Variants in FHOD1 observed in about 807,000 individuals in gnomAD.
The protein encoded by FHOD1 is FH1/FH2 domain-containing protein 1.
In FHOD1, 89 loss-of-function variants were observed where a neutral mutation model predicts 111.6. The observed-to-expected ratio is 0.80, with a 90% CI of 0.67 to 0.95. FHOD1 has a LOEUF of 0.95. Among genes scored for constraint, FHOD1 ranks in the 40% least tolerant of loss-of-function variants. FHOD1 has a pLI of 0.00. For missense variants in FHOD1, 1,446 were observed against 1,554.2 expected (o/e 0.93, Z 1.17); for synonymous variants, 618 against 639.0 (o/e 0.97, Z 0.50).
At chr16:67,239,253 C>T (rs1355727073) in intron 2 of FHOD1, 95 bp downstream of exon 2, 20 of 999,256 alleles carry the variant, frequency 2.0e-5, no homozygotes, top group Non-Finnish European at 3.0e-5. Flanking sequence ...ACCCATGGCT[C>T]AGGCTAGTGA....
chr16:67,237,817 GC>G lies in FHOD1; in HGVS notation c.643-50del. ...TGAGTGGGGCTTAGGCCAGACCTGT[GC>G]CAGCTGTTGCTGGGGAAGGGGAAGG... is the stretch of plus-strand genomic sequence containing the variant. On this transcript the variant is annotated intron_variant, in intron 6 of 21. Transcript: ENST00000258201. This position sits in a 1 kb window ranked among gnomAD's most constrained non-coding sequence, Gnocchi z 5.6. 1 of 1,536,064 alleles carries G rather than the reference GC, an allele frequency of 6.5e-7. No individual in the cohort carries two copies. The highest frequency in any genetic ancestry group is 9.0e-7 in the Non-Finnish European group (1 of 1,109,818).
rs559548009 is a variant in FHOD1, at chr16:67,238,487, C to T, written c.374-40G>A. Reference sequence around the variant, plus strand: ...GTATAAAACCCTTGATGGACACAGACTCACTGTCTTCCTCTGCTTGGATAC... The same window carrying T: ...GTATAAAACCCTTGATGGACACAGATTCACTGTCTTCCTCTGCTTGGATAC... On this transcript the variant is annotated intron_variant, in intron 3 of 21. Coordinates refer to ENST00000258201, the MANE Select transcript of FHOD1 (RefSeq NM_013241.3). This position sits in a 1 kb window ranked among gnomAD's most constrained non-coding sequence, Gnocchi z 4.2. 67 of 1,557,486 alleles carry T rather than the reference C, an allele frequency of 4.3e-5. No homozygotes were observed. Among genetic ancestry groups the T allele is most frequent in the Non-Finnish European group, 5.6e-5 (63 of 1,133,882 alleles).
Position 67,229,907 on chromosome 16 carries a change from G to A in FHOD1, c.3298C>T (p.Pro1100Ser), listed in dbSNP as rs771797116. The change falls in exon 21 of 22, where the codon CCC (proline) becomes TCC (serine). Residue 1100 changes from proline to serine, a missense_variant. Coordinates refer to ENST00000258201, the MANE Select transcript of FHOD1 (RefSeq NM_013241.3). The stretch of plus-strand genomic sequence containing the variant: ...ATGATCTCATCTGATGTATCACTGG[G>A]TAAACTGGAGCCTGGGGGTTCTTCT... ...SPEEPPGSSL[P>S]SDTSDEIMDL... is the part of the protein sequence containing the mutation. 6.2e-7 allele frequency: 1 copy of A among 1,614,120 alleles called. No homozygotes were observed. The highest frequency in any genetic ancestry group is 1.7e-5 in the Admixed American group (1 of 60,004).
Position 67,236,648 on chromosome 16 carries a change from G to A in FHOD1, c.1228C>T (p.Pro410Ser). ...LTGPASSPVG[P>S]PSGLQASVNL... ...ACTGAAGCTTGGAGACCGGAGGGAG[G>A]GCCCACAGGGCTGGAGGCGGGGCCT... is the stretch of plus-strand genomic sequence containing the variant. The change falls in exon 11 of 22, where the codon CCT becomes TCT. Residue 410 changes from proline (P) to serine (S), a missense_variant. By Grantham distance (74) the Pro-to-Ser change is moderately conservative (BLOSUM62 -1). Around this residue, in one of 3 missense-constraint regions of FHOD1, gnomAD observed 1,085 missense variants for 1,108.8 expected, o/e 0.98. Coordinates refer to ENST00000258201, the MANE Select transcript of FHOD1 (RefSeq NM_013241.3). 1 of 1,612,340 alleles carries A rather than the reference G, an allele frequency of 6.2e-7. No individual in the cohort carries two copies. Among genetic ancestry groups the A allele is most frequent in the Non-Finnish European group, 8.5e-7 (1 of 1,179,296 alleles).
In FHOD1 at chr16:67,230,360, G is replaced by T. The variant is rs775224846; in HGVS notation, c.3005C>A (p.Ala1002Asp). The T allele has an allele frequency of 7.4e-6, 12 of 1,614,228 alleles. No homozygotes were observed. The South Asian group carries it at 1.2e-4, about 16-fold the overall frequency. Residue 1002 changes from alanine to aspartate, a missense_variant, in exon 19 of 22, where the codon GCC becomes GAC. Coordinates refer to ENST00000258201, the MANE Select transcript of FHOD1 (RefSeq NM_013241.3). ...GGTCTTGTTGCGCTCACGGTATGTGGCCTGCTTCTGCTGCTGCTGTAGCAC... is the reference window on the plus strand; with the variant it reads ...GGTCTTGTTGCGCTCACGGTATGTGTCCTGCTTCTGCTGCTGCTGTAGCAC... ...ERVLQQQQKQ[A>D]TYRERNKTRG...
chr16:67,230,444 A>C lies in FHOD1; in HGVS notation c.2921T>G (p.Met974Arg), dbSNP rs763650649. 2 of 1,614,250 alleles carry C rather than the reference A, an allele frequency of 1.2e-6. No individual in the cohort carries two copies. The highest frequency in any genetic ancestry group is 1.7e-6 in the Non-Finnish European group (2 of 1,180,036). ...TPQAAREVRI[M>R]QFCHTLREFA... ...TTCCCGCAGCGTGTGGCAGAACTGCATGATGCGCACTTCACGGGCCGCCTG... is the reference window on the plus strand; with the variant it reads ...TTCCCGCAGCGTGTGGCAGAACTGCCTGATGCGCACTTCACGGGCCGCCTG... The change falls in exon 19 of 22, where the codon ATG becomes AGG. Residue 974 changes from methionine to arginine, a missense_variant. Physicochemically the swap from Met to Arg is moderately conservative, Grantham distance 91. Around this residue, in one of 3 missense-constraint regions of FHOD1, gnomAD observed 1,085 missense variants for 1,108.8 expected, o/e 0.98. Coordinates refer to ENST00000258201, the MANE Select transcript of FHOD1 (RefSeq NM_013241.3).
Position 67,230,466 on chromosome 16 carries a change from C to G in FHOD1, c.2899G>C (p.Ala967Pro), listed in dbSNP as rs773281297. Residue 967 changes from alanine (A) to proline (P), a missense_variant, in exon 19 of 22, where the codon GCG (alanine) becomes CCG (proline). Physicochemically the swap from Ala to Pro is conservative, Grantham distance 27. Transcript: ENST00000258201. ...TGCATGATGCGCACTTCACGGGCCG[C>G]CTGCGGGGTGTAGCCCAGGTAGAGC... The part of the protein sequence containing the change: ...FLLYLGYTPQ[A>P]AREVRIMQFC... The G allele has an allele frequency of 3.1e-6, 5 of 1,614,246 alleles. No individual in the cohort carries two copies. Among genetic ancestry groups the G allele is most frequent in the Non-Finnish European group, 4.2e-6 (5 of 1,180,044 alleles).
rs2034367207 is a variant in FHOD1, at chr16:67,233,787, C to T, written c.1916G>A (p.Gly639Asp). The change falls in exon 13 of 22, where the codon GGC becomes GAC. Residue 639 changes from glycine (G) to aspartate (D), a missense_variant. Gly to Asp is a moderately conservative substitution (Grantham distance 94, BLOSUM62 -1). This residue lies in a region of FHOD1 where 1,085 missense variants were observed against 1,108.8 expected (regional missense o/e 0.98). Coordinates refer to ENST00000258201, the MANE Select transcript of FHOD1 (RefSeq NM_013241.3). ...AAAGCGGCTTGCAGAGACTCCATGG[C>T]CCCCAGCCAGCTTCAGCTCACGCCA... ...LFWRELKLAG[G>D]HGVSASRFGP... 4.3e-6 allele frequency: 7 copies of T among 1,613,678 alleles called. No individual in the cohort carries two copies. The highest frequency in any genetic ancestry group is 3.3e-5 in the Admixed American group (2 of 59,988).
intron 2 of FHOD1, 56 bp downstream of exon 2, chr16:67,239,292 C>T (rs1044462020): frequency 7.3e-5 from 99 of 1,356,634 alleles, no homozygotes; most frequent in Non-Finnish European, 9.6e-5. Flanking sequence ...GACATTTGAG[C>T]TAGCCCCTGG....
Position 67,233,930 on chromosome 16 carries a change from G to T in FHOD1, c.1773C>A (p.Pro591=). Residue 591 remains proline (P), a synonymous_variant, in exon 13 of 22, where the codon CCC becomes CCA. Coordinates refer to ENST00000258201, the MANE Select transcript of FHOD1 (RefSeq NM_013241.3). ...GTGGGAAGGGGCCTTTGATGGGTGG[G>T]GGAGGTGGAAGTGGGGGAGGGGGGG... ...GVPPPPPLPP[P]PPIKGPFPPP... 1 of 1,582,634 alleles carries T rather than the reference G, an allele frequency of 6.3e-7. No individual in the cohort carries two copies.
In FHOD1 at chr16:67,229,412, T is replaced by C. The variant is rs1033995073; in HGVS notation, c.*224A>G. 3.4e-6 allele frequency: 2 copies of C among 596,528 alleles called. No homozygotes were observed. Among genetic ancestry groups the C allele is most frequent in the Middle Eastern group, 4.4e-4 (1 of 2,276 alleles). The allele number at this position is 596,528 out of a possible 1,614,324, so 37.0% of individuals were successfully genotyped here. A position where few individuals can be genotyped will look rare whatever the true frequency, so the allele number is the denominator to read the frequency against. On this transcript the variant is annotated 3_prime_UTR_variant, in exon 22 of 22. Coordinates refer to ENST00000258201, the MANE Select transcript of FHOD1 (RefSeq NM_013241.3). ...TGTTGGATTAGCTAAGAAAATTTTATTTTGCTCCGTGCGTTCAAGGAGCTC... is the reference window on the plus strand; with the variant it reads ...TGTTGGATTAGCTAAGAAAATTTTACTTTGCTCCGTGCGTTCAAGGAGCTC...
At chr16:67,232,504 G>C (rs956240063) in intron 13 of FHOD1, among the ~76,000 whole-genome samples, 3 of 135,418 alleles carry the variant, frequency 2.2e-5, no homozygotes, top group African/African-American at 5.6e-5. Context: ...GGGTGACTGA[G>C]CAAGACTCTG....
chr16:67,230,697 A>G lies in FHOD1; in HGVS notation c.2762T>C (p.Leu921Pro), dbSNP rs748769560. 6.2e-7 allele frequency: 1 copy of G among 1,613,886 alleles called. No homozygotes were observed. Among genetic ancestry groups the G allele is most frequent in the East Asian group, 2.2e-5 (1 of 44,884 alleles). The change falls in exon 18 of 22, where the codon CTG becomes CCG. Residue 921 changes from leucine to proline, a missense_variant. Transcript: ENST00000258201. ...GAGGCGGGCACGCAGGGCTGGGGCC[A>G]GCTCATGCTTGGCCAAGCTCCGCAG... ...ESLRSLAKHELAPALRARLTH... is the reference protein window; with the variant it reads ...ESLRSLAKHEPAPALRARLTH...
intron 17 of FHOD1, 48 bp from the exon 18 acceptor site, chr16:67,230,839 C>G: frequency 6.5e-7 from 1 of 1,528,662 alleles, no homozygotes; most frequent in Non-Finnish European, 8.8e-7. Context: ...ACCCTGTAGA[C>G]AAGACATGGC....
chr16:67,236,901 C>T, intron 10 of FHOD1, 65 bp downstream of exon 10: 1 of 1,525,240 alleles, frequency 6.6e-7, no homozygotes, highest in East Asian at 2.3e-5. Flanking sequence ...GGGTCAGGGC[C>T]TGTCAGCTCA....
Position 67,247,422 on chromosome 16 carries a change from C to A in FHOD1, c.-12G>T, listed in dbSNP as rs765650991. The A allele has an allele frequency of 2.2e-5, 36 of 1,611,346 alleles. No individual in the cohort carries two copies. The highest frequency in any genetic ancestry group is 3.3e-5 in the Admixed American group (2 of 59,826). On this transcript the variant is annotated 5_prime_UTR_variant, in exon 1 of 22. Coordinates refer to ENST00000258201, the MANE Select transcript of FHOD1 (RefSeq NM_013241.3). Reference sequence around the variant, plus strand: ...TCCCCGCCCGCCATGGCTCTGCGGCCGGCTCACGCAGCGCGCCTCCGAGTC... The same window carrying A: ...TCCCCGCCCGCCATGGCTCTGCGGCAGGCTCACGCAGCGCGCCTCCGAGTC...
Position 67,230,080 on chromosome 16 carries a change from TTGTG to T in FHOD1, c.3196_3199del (p.His1066IlefsTer49). The stretch of plus-strand genomic sequence containing the variant: ...ATGGGCCTCACCTCTGCTGCGGCGA[TTGTG>T]TGTGGTGTCCTCAGGCCTGCTGGTC... On this transcript the variant is annotated frameshift_variant, in exon 20 of 22. Transcript: ENST00000258201. LOFTEE classifies it high-confidence loss of function. 1 of 1,613,994 alleles carries T rather than the reference TTGTG, an allele frequency of 6.2e-7. No homozygotes were observed. Among genetic ancestry groups the T allele is most frequent in the South Asian group, 1.1e-5 (1 of 91,086 alleles).
rs1355875849 is a variant in FHOD1, at chr16:67,238,099, C to A, written c.577G>T (p.Gly193Ter). The A allele has an allele frequency of 1.2e-6, 2 of 1,614,090 alleles. No individual in the cohort carries two copies. Among genetic ancestry groups the A allele is most frequent in the Non-Finnish European group, 1.7e-6 (2 of 1,180,028 alleles). Residue 193 changes from glycine to a stop codon, truncating the protein, a stop_gained, in exon 6 of 22, where the codon GGA becomes TGA. Transcript: ENST00000258201. LOFTEE classifies it high-confidence loss of function. The surrounding 1 kb of genome is among the most constrained non-coding windows in gnomAD (Gnocchi z 4.2). ...CTGTGGGCCACCACCCCCAGCATTCCATCCACAAAGAGCATCAGCTGGCCG... is the reference window on the plus strand; with the variant it reads ...CTGTGGGCCACCACCCCCAGCATTCAATCCACAAAGAGCATCAGCTGGCCG... ...ALGQLMLFVD[G>*]MLGVVAHSDT... is the part of the protein sequence containing the mutation.
rs1291940124 is a variant in FHOD1, at chr16:67,238,964, T to G, written c.312A>C (p.Lys104Asn). 3.1e-6 allele frequency: 5 copies of G among 1,613,926 alleles called. No homozygotes were observed. In the African/African-American group the frequency reaches 6.7e-5, roughly 22 times the overall value. The change falls in exon 3 of 22, where the codon AAA (lysine) becomes AAC (asparagine). Residue 104 changes from lysine (K) to asparagine (N), a missense_variant. Around this residue, in one of 3 missense-constraint regions of FHOD1, gnomAD observed 234 missense variants for 327.4 expected, o/e 0.71. Coordinates refer to ENST00000258201, the MANE Select transcript of FHOD1 (RefSeq NM_013241.3). This position sits in a 1 kb window ranked among gnomAD's most constrained non-coding sequence, Gnocchi z 4.2. ...MLEGFYEEIS[K>N]GRKPTLILRT... ...GAAGGATCAGCGTGGGCTTCCGCCCTTTGCTGGAATCAAGGATCTCTGTTA... is the reference window on the plus strand; with the variant it reads ...GAAGGATCAGCGTGGGCTTCCGCCCGTTGCTGGAATCAAGGATCTCTGTTA...
Sources: gnomAD v4.1 joint callset for allele counts (sites outside exome capture counted in the v4.1 genomes callset) on GRCh38, gnomAD v4.1.1 for gene constraint, gnomAD v4.1.1 regional missense constraint, Gnocchi (gnomAD v3.1) non-coding constraint, MANE v1.5 for transcripts, NCBI Gene and HGNC (gene_info 2026-07-23, HGNC 2026-07-21) for gene names.